The following PIGN variants were observed in gnomAD, a reference collection of about 807,000 sequenced individuals.
PIGN encodes GPI ethanolamine phosphate transferase 1.
In PIGN, 117 loss-of-function variants were observed where a neutral mutation model predicts 125.4. That is an observed-to-expected ratio of 0.93 (90% CI 0.80 to 1.09). The LOEUF is 1.09. PIGN is among the 50% of genes least tolerant of loss of function. PIGN has a pLI of 0.00. For missense variants in PIGN, 1,075 were observed against 1,094.9 expected (o/e 0.98, Z 0.26); for synonymous variants, 392 against 377.8 (o/e 1.04, Z -0.44).
At chr18:62,084,372 C>G (rs934669009) in intron 27 of PIGN, among the ~76,000 whole-genome samples, 159 bp downstream of exon 27, 4 of 152,170 alleles carry the variant, frequency 2.6e-5, no homozygotes, top group African/African-American at 9.7e-5. Context: ...AAAAGATTAA[C>G]TGTGGTTTGG....
chr18:62,035,679 C>T (rs1163198403), intron 23 of PIGN, among the ~76,000 whole-genome samples: 1 of 151,826 alleles, frequency 6.6e-6, no homozygotes, highest in Non-Finnish European at 1.5e-5. Flanking sequence ...CTCCCCCTTC[C>T]CCCCACCCCA....
At chr18:62,048,209 G>C (rs551281408) in intron 30 of PIGN, among the ~76,000 whole-genome samples, 1 of 152,064 alleles carries the variant, frequency 6.6e-6, no homozygotes, top group African/African-American at 2.4e-5. Context: ...GGGACCTGTG[G>C]ACTGTGACAA....
chr18:62,042,903 C>A lies in PIGN; in HGVS notation c.*2953G>T, dbSNP rs1336754617. 1 of 146,410 alleles carries A rather than the reference C, an allele frequency of 6.8e-6. No homozygotes were observed. The highest frequency in any genetic ancestry group is 7.1e-5 in the Admixed American group (1 of 14,136). The allele number at this position is 146,410 out of a possible 1,614,324, so 9.1% of individuals were successfully genotyped here. A position where few individuals can be genotyped will look rare whatever the true frequency, so the allele number is the denominator to read the frequency against. ...CATTCTAGCCTGAACAAGAGTGAGA[C>A]CCTGTCTCAAAACAAAAACGAAAAA... On this transcript the variant is annotated 3_prime_UTR_variant, in exon 31 of 31. Transcript: ENST00000640252.
Position 62,090,502 on chromosome 18 carries a change from G to A in PIGN, c.2257C>T (p.Gln753Ter). The A allele has an allele frequency of 1.2e-6, 2 of 1,608,416 alleles. No homozygotes were observed. The highest frequency in any genetic ancestry group is 1.7e-6 in the Non-Finnish European group (2 of 1,177,096). Residue 753 changes from glutamine to a stop codon, truncating the protein, a stop_gained, in exon 24 of 31, where the codon CAA becomes TAA. Transcript: ENST00000640252. LOFTEE classifies it high-confidence loss of function. ...TTTTGTTTACAGCAAACACCAGATT[G>A]TTGTAGAGTTTCTTGTTCTATGTTT... ...WINIEQETLQQSGVCCKQKLT... is the reference protein window; with the variant it reads ...WINIEQETLQ
At chr18:62,058,567 T>C (rs530430111) in intron 30 of PIGN, among the ~76,000 whole-genome samples, 1 of 152,352 alleles carries the variant, frequency 6.6e-6, no homozygotes, top group African/African-American at 2.4e-5. Context: ...ATGGTTATTA[T>C]AGAAAACCAT....
intron 14 of PIGN, among the ~76,000 whole-genome samples, chr18:62,130,650 T>C (rs1301953483): frequency 6.6e-6 from 1 of 152,176 alleles, no homozygotes; most frequent in African/African-American, 2.4e-5. Flanking sequence ...GTAAACCACA[T>C]TTTAGGATTA....
At chr18:62,029,270 C>T (rs149619961) in intron 23 of PIGN, among the ~76,000 whole-genome samples, 1 of 152,314 alleles carries the variant, frequency 6.6e-6, no homozygotes, top group African/African-American at 2.4e-5. Flanking sequence ...CCATTTGGAT[C>T]TTCCCCCTCT....
At chr18:62,059,110 T>A (rs538851909) in intron 30 of PIGN, 5 of 147,238 alleles carry the variant, frequency 3.4e-5, no homozygotes, top group Non-Finnish European at 7.4e-5. Flanking sequence ...GGAAGATCAC[T>A]TCAGCCTACA....
chr18:62,143,858 T>A (rs1251253057), intron 10 of PIGN, among the ~76,000 whole-genome samples: 4 of 152,238 alleles, frequency 2.6e-5, no homozygotes, highest in African/African-American at 2.4e-5. Context: ...ATTAAAATTG[T>A]CTTCAAAGAT....
chr18:62,177,591 T>C (rs1350521737), intron 1 of PIGN, among the ~76,000 whole-genome samples: 1 of 152,192 alleles, frequency 6.6e-6, no homozygotes, highest in Non-Finnish European at 1.5e-5. Flanking sequence ...CTTTATATGC[T>C]TTTTTGTAAC....
In PIGN at chr18:62,140,423, T is replaced by TG; in HGVS notation, c.1019dup (p.Val341SerfsTer10). On this transcript the variant is annotated frameshift_variant, in exon 12 of 31. Transcript: ENST00000640252. LOFTEE classifies it high-confidence loss of function. Reference sequence around the variant, plus strand: ...ATAATAAAATTTTATTCCTTACCACTGAGTTAAGAGGAAAGGGAACTCCAA... The same window carrying TG: ...ATAATAAAATTTTATTCCTTACCACTGGAGTTAAGAGGAAAGGGAACTCCAA... 1.4e-6 allele frequency: 2 copies of TG among 1,453,028 alleles called. No individual in the cohort carries two copies. Among genetic ancestry groups the TG allele is most frequent in the Non-Finnish European group, 1.9e-6 (2 of 1,052,148 alleles). The allele number at this position is 1,453,028 out of a possible 1,614,324, so 90.0% of individuals were successfully genotyped here. A position where few individuals can be genotyped will look rare whatever the true frequency, so the allele number is the denominator to read the frequency against.
chr18:62,056,276 A>G (rs2145266584), intron 30 of PIGN, among the ~76,000 whole-genome samples: 1 of 152,038 alleles, frequency 6.6e-6, no homozygotes, highest in African/African-American at 2.4e-5. Context: ...CAACAGGACA[A>G]CGGAAGAGAA....
chr18:62,085,412 T>G (rs556593163), intron 25 of PIGN, 148 bp from the exon 26 acceptor site: 254 of 643,992 alleles, frequency 3.9e-4, no homozygotes, highest in South Asian at 8.7e-4. Context: ...CCATTATAAC[T>G]CCTTGTGAAT....
chr18:62,069,924 A>G (rs1270585262), intron 30 of PIGN: 1 of 152,458 alleles, frequency 6.6e-6, no homozygotes, highest in South Asian at 2.1e-4. Context: ...ATTTTACCAG[A>G]ATATTTTTGA....
At chr18:62,037,324 A>C (rs1290978341), downstream of PIGN, among the ~76,000 whole-genome samples, 4 of 149,106 alleles carry the variant, frequency 2.7e-5, no homozygotes, top group Non-Finnish European at 4.4e-5. Context: ...ACATTCATTT[A>C]GTCTCTTGGA....
intron 30 of PIGN, among the ~76,000 whole-genome samples, chr18:62,054,828 A>C (rs1335832704): frequency 6.6e-6 from 1 of 152,182 alleles, no homozygotes; most frequent in South Asian, 2.1e-4. Flanking sequence ...ATATAGAATA[A>C]ATTCTCAAAA....
At chr18:62,053,407 A>G (rs940757744) in intron 30 of PIGN, among the ~76,000 whole-genome samples, 1 of 152,234 alleles carries the variant, frequency 6.6e-6, no homozygotes, top group Non-Finnish European at 1.5e-5. Flanking sequence ...GAACAAACAG[A>G]AAACAAAAAA....
intron 14 of PIGN, among the ~76,000 whole-genome samples, chr18:62,132,757 T>G (rs987470479): frequency 6.6e-6 from 1 of 152,216 alleles, no homozygotes; most frequent in Non-Finnish European, 1.5e-5. Context: ...ATTTTATATT[T>G]TATAGACCTC....
intron 27 of PIGN, 47 bp from the exon 28 acceptor site, chr18:62,082,793 AAC>A: frequency 9.8e-7 from 1 of 1,020,334 alleles, no homozygotes; most frequent in Non-Finnish European, 1.5e-6. Flanking sequence ...AAGCATCTGA[AAC>A]ACTTTTTGAA....
Sources: allele counts gnomAD v4.1 joint callset (sites outside exome capture counted in the v4.1 genomes callset), GRCh38; gene constraint gnomAD v4.1.1; transcripts MANE v1.5; gene names NCBI Gene and HGNC (gene_info 2026-07-23, HGNC 2026-07-21).